Variants in PPM1D observed in about 807,000 individuals in gnomAD.
The protein encoded by PPM1D is protein phosphatase 1D.
Under a neutral mutation model 58.3 loss-of-function variants are expected in PPM1D, and 52 were observed. The observed-to-expected ratio is 0.89, with a 90% confidence interval of 0.71 to 1.12. The LOEUF (loss-of-function observed/expected upper bound fraction) is 1.12, where lower values mean the gene tolerates loss of function less well. Among genes scored for constraint, PPM1D ranks in the 50% most tolerant of loss-of-function variants. The pLI is 0.00. For missense variants in PPM1D, 564 were observed against 777.2 expected, an observed-to-expected ratio of 0.73 and a Z score of 3.26; for synonymous variants, 278 against 285.1, an observed-to-expected ratio of 0.98 and a Z score of 0.25.
At chr17:60,605,157 G>C (rs777230166) in intron 1 of PPM1D, among the ~76,000 whole-genome samples, 1 of 152,146 alleles carries the variant, frequency 6.6e-6, no homozygotes, top group Non-Finnish European at 1.5e-5. Context: ...CTGTAATTAG[G>C]TAGCTGTGAA....
chr17:60,623,371 C>T, intron 1 of PPM1D, 150 bp from the exon 2 acceptor site: 1 of 677,398 alleles, frequency 1.5e-6, no homozygotes, highest in Non-Finnish European at 2.4e-6. Context: ...AACCTAAGTC[C>T]TTTAGTAGTT....
intron 2 of PPM1D, among the ~76,000 whole-genome samples, chr17:60,625,581 C>G (rs989871874): frequency 6.6e-6 from 1 of 152,048 alleles, no homozygotes; most frequent in Non-Finnish European, 1.5e-5. Flanking sequence ...ATTCATAATG[C>G]TGAATATGAT....
chr17:60,600,437 G>A lies in PPM1D; in HGVS notation c.23G>A (p.Gly8Glu). 6.4e-7 allele frequency: 1 copy of A among 1,556,304 alleles called. No individual in the cohort carries two copies. The change falls in exon 1 of 6, where the codon GGA (glycine) becomes GAA (glutamate). Residue 8 changes from glycine (G) to glutamate (E), a missense_variant. Physicochemically the swap from Gly to Glu is moderately conservative, Grantham distance 98. Coordinates refer to ENST00000305921, the MANE Select transcript of PPM1D (RefSeq NM_003620.4). MAGLYSL[G>E]VSVFSDQGGR... ...GCCATGGCGGGGCTGTACTCGCTGG[G>A]AGTGAGCGTCTTCTCCGACCAGGGC...
chr17:60,661,170 G>A (rs1330004273), intron 5 of PPM1D, among the ~76,000 whole-genome samples: 1 of 135,010 alleles, frequency 7.4e-6, no homozygotes, highest in Non-Finnish European at 1.5e-5. Context: ...GGTGAACCAA[G>A]ATTGTGCCAT....
intron 3 of PPM1D, among the ~76,000 whole-genome samples, chr17:60,643,882 T>TC (rs2031185496): frequency 2.1e-5 from 2 of 94,200 alleles, no homozygotes; most frequent in Admixed American, 1.6e-4. Context: ...TCTTTTCTTT[T>TC]CTTTTTTTTT....
chr17:60,602,697 A>AAGTTTAG (rs2030241707), intron 1 of PPM1D, among the ~76,000 whole-genome samples: 1 of 151,950 alleles, frequency 6.6e-6, no homozygotes, highest in Non-Finnish European at 1.5e-5. Flanking sequence ...ATGATGCATA[A>AAGTTTAG]AGTTTAGAGC....
intron 5 of PPM1D, among the ~76,000 whole-genome samples, chr17:60,659,814 A>G (rs555751076): frequency 2.0e-5 from 3 of 152,336 alleles, no homozygotes; most frequent in South Asian, 2.1e-4. Context: ...AACAGATACA[A>G]TGTATTCCCA....
At chr17:60,645,502 ATATATATGTG>A (rs1241268963) in intron 3 of PPM1D, among the ~76,000 whole-genome samples, 8 of 131,782 alleles carry the variant, frequency 6.1e-5, no homozygotes, top group African/African-American at 9.3e-5. Flanking sequence ...GTATGTGTAT[ATATATATGTG>A]TATATATATG....
intron 2 of PPM1D, among the ~76,000 whole-genome samples, chr17:60,626,643 C>T (rs929758588): frequency 1.6e-4 from 25 of 152,102 alleles, no homozygotes; most frequent in African/African-American, 5.1e-4. Context: ...ATCCACCCAC[C>T]TCAGCCTCCC....
At position 60,622,030 on chromosome 17, in the gene PPM1D, A is replaced by T. The variant is rs564669558; in HGVS notation, c.473-1491A>T. On this transcript the variant is annotated intron_variant, in intron 1 of 5. Transcript: ENST00000305921. ...GTGAAACCCCGTCTCTACTAAAAAAATACAAAAAAATTAGTTGGGTGTGGT... is the reference window on the plus strand; with the variant it reads ...GTGAAACCCCGTCTCTACTAAAAAATTACAAAAAAATTAGTTGGGTGTGGT... Among the ~76,000 whole-genome samples the T allele has an allele frequency of 3.3e-5, 5 of 151,704 alleles. No individual in the cohort carries two copies. The East Asian group carries it at 9.9e-4, about 30-fold the overall frequency.
Position 60,663,388 on chromosome 17 carries a change from C to T in PPM1D, c.1654C>T (p.Arg552Ter), listed in dbSNP as rs779070661. ...TGGCCCCCTGATGAAGAAGCATAGA[C>T]GAAATGGCTTAAGTCGAAGTAGTGG... ...NSGPLMKKHR[R>*]NGLSRSSGAQ... Residue 552 changes from arginine (R) to a stop codon, truncating the protein, a stop_gained, in exon 6 of 6, where the codon CGA becomes TGA. Coordinates refer to ENST00000305921, the MANE Select transcript of PPM1D (RefSeq NM_003620.4). LOFTEE classifies it high-confidence loss of function. The T allele has an allele frequency of 1.9e-5, 31 of 1,614,016 alleles. No homozygotes were observed. Among genetic ancestry groups the T allele is most frequent in the Non-Finnish European group, 2.1e-5 (25 of 1,179,930 alleles).
chr17:60,645,659 TACACAC>T (rs748981153), intron 3 of PPM1D, among the ~76,000 whole-genome samples: 1 of 138,058 alleles, frequency 7.2e-6, no homozygotes, highest in Non-Finnish European at 1.5e-5. Flanking sequence ...TATATATATA[TACACAC>T]ACACACATAT....
intron 1 of PPM1D, among the ~76,000 whole-genome samples, chr17:60,619,173 A>G (rs895417822): frequency 8.7e-5 from 13 of 149,184 alleles, no homozygotes; most frequent in African/African-American, 2.9e-4. Context: ...ACTTAGCATA[A>G]TGTCCTACAG....
At chr17:60,621,110 A>G (rs749327584) in intron 1 of PPM1D, among the ~76,000 whole-genome samples, 12 of 151,572 alleles carry the variant, frequency 7.9e-5, no homozygotes, top group Non-Finnish European at 1.8e-4. Flanking sequence ...TTCAGTAGAG[A>G]TGGGGTTTCA....
intron 3 of PPM1D, among the ~76,000 whole-genome samples, chr17:60,641,041 G>A (rs2031123301): frequency 6.6e-6 from 1 of 151,656 alleles, no homozygotes; most frequent in African/African-American, 2.4e-5. Context: ...CTTTGCTATT[G>A]TGAATAGTGC....
At chr17:60,602,667 C>T (rs79630920) in intron 1 of PPM1D, among the ~76,000 whole-genome samples, 1,600 of 150,618 alleles carry the variant, frequency 0.011, 35 homozygotes, top group African/African-American at 0.035. Flanking sequence ...ACAGACTTTT[C>T]GAATTAAGCT....
At chr17:60,611,298 G>C (rs1025857978) in intron 1 of PPM1D, among the ~76,000 whole-genome samples, 3 of 152,144 alleles carry the variant, frequency 2.0e-5, no homozygotes, top group African/African-American at 7.2e-5. Flanking sequence ...TGACATTATA[G>C]GTGTAAGCCA....
chr17:60,648,812 G>A (rs1158800482), intron 4 of PPM1D, among the ~76,000 whole-genome samples: 1 of 148,124 alleles, frequency 6.8e-6, no homozygotes, highest in Non-Finnish European at 1.5e-5. Context: ...TACCGAGGCT[G>A]GAGTGCAGTG....
intron 3 of PPM1D, among the ~76,000 whole-genome samples, chr17:60,644,384 T>C (rs945775322): frequency 6.8e-6 from 1 of 148,104 alleles, no homozygotes; most frequent in African/African-American, 2.5e-5. Context: ...AATCCTCCTG[T>C]CTCCACCTCC....
Sources: allele counts gnomAD v4.1 joint callset (sites outside exome capture counted in the v4.1 genomes callset), GRCh38; gene constraint gnomAD v4.1.1; transcripts MANE v1.5; gene names NCBI Gene and HGNC (gene_info 2026-07-23, HGNC 2026-07-21).